Variants in GSN observed in about 807,000 individuals in gnomAD.
GSN encodes gelsolin.
A neutral mutation model predicts 85.7 loss-of-function variants in GSN; 56 were observed. The observed-to-expected ratio is 0.65, with a 90% CI of 0.53 to 0.82. The LOEUF (loss-of-function observed/expected upper bound fraction) is 0.82, where lower values mean the gene tolerates loss of function less well. GSN is among the 40% of genes least tolerant of loss of function. The pLI, the probability that GSN is intolerant of heterozygous loss-of-function variation, is 0.00. For synonymous variants in GSN, 373 were observed against 399.1 expected (o/e 0.93, Z 0.78); for missense variants, 857 against 979.8 (o/e 0.87, Z 1.67).
chr9:121,244,278 T>C (rs773107107), intron 5 of GSN, among the ~76,000 whole-genome samples: 22 of 152,238 alleles, frequency 1.4e-4, no homozygotes, highest in Non-Finnish European at 3.1e-4. Context: ...TTGGTGATTA[T>C]GAATAAAGCT....
chr9:121,225,446 A>G (rs1406897565), intron 4 of GSN, among the ~76,000 whole-genome samples: 4 of 152,200 alleles, frequency 2.6e-5, no homozygotes, highest in Non-Finnish European at 2.9e-5. Context: ...GTTCAAAGGC[A>G]TTTTTCATCA....
At chr9:121,310,607 C>T (rs1167927378) in intron 4 of GSN, 77 bp from the exon 5 acceptor site, 5 of 1,427,062 alleles carry the variant, frequency 3.5e-6, no homozygotes, top group Non-Finnish European at 4.9e-6. Flanking sequence ...TCCTTTACCT[C>T]AATTCTGTCC....
At chr9:121,234,096 G>A (rs1025163340) in intron 5 of GSN, among the ~76,000 whole-genome samples, 1 of 152,194 alleles carries the variant, frequency 6.6e-6, no homozygotes, top group African/African-American at 2.4e-5. Flanking sequence ...CAATAGGACA[G>A]AGGAAGGGAT....
intron 4 of GSN, among the ~76,000 whole-genome samples, chr9:121,307,216 G>A (rs975760583): frequency 2.6e-5 from 4 of 152,026 alleles, no homozygotes; most frequent in African/African-American, 4.8e-5. Flanking sequence ...TAAATACAGA[G>A]AATTTTTAAG....
At chr9:121,209,156 C>G (rs2053929182) in intron 1 of GSN, 1 of 152,164 alleles carries the variant, frequency 6.6e-6, no homozygotes, top group South Asian at 2.1e-4. Context: ...AATAGTGAAC[C>G]CCAGAAGTGG....
intron 5 of GSN, among the ~76,000 whole-genome samples, chr9:121,245,192 G>C (rs1271490482): frequency 6.6e-6 from 1 of 152,130 alleles, no homozygotes; most frequent in African/African-American, 2.4e-5. Context: ...AAAGAGCTGT[G>C]TATTACAGGA....
upstream of GSN, among the ~76,000 whole-genome samples, chr9:121,204,060 G>A (rs58462727): frequency 0.12 from 18,118 of 152,204 alleles, 1,223 homozygotes; most frequent in East Asian, 0.18. Flanking sequence ...GACCTGGCTA[G>A]TAAGTTTCCT....
intron 6 of GSN, among the ~76,000 whole-genome samples, chr9:121,254,035 C>T (rs2054894995): frequency 1.3e-5 from 2 of 152,144 alleles, no homozygotes; most frequent in Non-Finnish European, 2.9e-5. Context: ...TTCTCTCTAC[C>T]AGTTCCTCTG....
At chr9:121,306,652 C>T (rs750589834) in intron 4 of GSN, among the ~76,000 whole-genome samples, 1 of 152,230 alleles carries the variant, frequency 6.6e-6, no homozygotes, top group East Asian at 1.9e-4. Context: ...CAATCTTGCT[C>T]ACCTAATGAT....
chr9:121,230,105 A>G (rs922211159), intron 4 of GSN, among the ~76,000 whole-genome samples: 6 of 152,086 alleles, frequency 3.9e-5, no homozygotes, highest in Non-Finnish European at 7.4e-5. Context: ...AAATTGTCTC[A>G]TGTTTGTCCA....
At position 121,329,478 on chromosome 9, in the gene GSN, C is replaced by T. The variant is rs901021438; in HGVS notation, c.1965+163C>T. Among the ~76,000 whole-genome samples, 1 of 152,154 alleles carries T rather than the reference C, an allele frequency of 6.6e-6. No individual in the cohort carries two copies. The highest frequency in any genetic ancestry group is 2.1e-4 in the South Asian group (1 of 4,834). ...AAGTCACTTCTTCTTTCTGAGCTTC[C>T]ATTTCCTCATCTGTAAACTGGGAGT... On this transcript the variant is annotated intron_variant, in intron 16 of 17. Coordinates refer to ENST00000432226, the MANE Select transcript of GSN (RefSeq NM_198252.3). This position sits in a 1 kb window ranked among gnomAD's most constrained non-coding sequence, Gnocchi z 4.6.
Position 121,329,422 on chromosome 9 carries a change from G to A in GSN, c.1965+107G>A. 1 of 770,632 alleles carries A rather than the reference G, an allele frequency of 1.3e-6. No individual in the cohort carries two copies. The highest frequency in any genetic ancestry group is 2.3e-6 in the Non-Finnish European group (1 of 426,034). The allele number at this position is 770,632 out of a possible 1,614,324, so 47.7% of individuals were successfully genotyped here. A position where few individuals can be genotyped will look rare whatever the true frequency, so the allele number is the denominator to read the frequency against. On this transcript the variant is annotated intron_variant, in intron 16 of 17. Transcript: ENST00000432226. The surrounding 1 kb of genome is among the most constrained non-coding windows in gnomAD (Gnocchi z 4.6). ...AAGGACCTAAAGGGGGCAGTGCCAG[G>A]TGTTGCCAGAAAAGTCTCTAAGGGT...
Position 121,230,041 on chromosome 9 carries a change from T to C in GSN, c.-527-1124T>C, listed in dbSNP as rs554584304. Among the ~76,000 whole-genome samples the C allele has an allele frequency of 1.3e-3, 193 of 152,340 alleles. 1 individual carries two copies. Among genetic ancestry groups the C allele is most frequent in the African/African-American group, 4.4e-3 (183 of 41,580 alleles). ...TAGAAATCCTTTGAGTAGAGGGATA[T>C]TTTTTAATTCAGTGTGTAGAAATCC... is the stretch of plus-strand genomic sequence containing the variant. On this transcript the variant is annotated intron_variant, in intron 4 of 24. Transcript: ENST00000373823.
chr9:121,280,874 G>A (rs1211520480), intron 1 of GSN: 1 of 152,324 alleles, frequency 6.6e-6, no homozygotes, highest in East Asian at 1.9e-4. Context: ...ATGCAATAGG[G>A]CTGCCTTAAA....
intron 1 of GSN, among the ~76,000 whole-genome samples, chr9:121,270,934 G>A (rs1229874652): frequency 2.0e-5 from 3 of 152,198 alleles, no homozygotes; most frequent in Non-Finnish European, 2.9e-5. Flanking sequence ...GACCACAGGT[G>A]TGAGAGAAGT....
intron 2 of GSN, among the ~76,000 whole-genome samples, chr9:121,293,717 A>G (rs2058931853): frequency 1.3e-5 from 2 of 149,968 alleles, no homozygotes; most frequent in African/African-American, 4.9e-5. Context: ...AAAAAAAAAG[A>G]AAGGCATTTT....
intron 1 of GSN, chr9:121,281,011 T>C (rs973463786): frequency 1.3e-5 from 2 of 155,436 alleles, no homozygotes; most frequent in African/African-American, 4.8e-5. Context: ...GTGCTGTCAG[T>C]AGGGACAGGT....
chr9:121,312,143 C>G, intron 5 of GSN, 196 bp from the exon 6 acceptor site: 1 of 580,362 alleles, frequency 1.7e-6, no homozygotes, highest in Non-Finnish European at 3.1e-6. Flanking sequence ...CAGACATGCG[C>G]TCCCATCTCC....
At chr9:121,216,199 C>T (rs1341279351) in intron 4 of GSN, among the ~76,000 whole-genome samples, 1 of 152,122 alleles carries the variant, frequency 6.6e-6, no homozygotes, top group African/African-American at 2.4e-5. Context: ...CCACCTGCCT[C>T]AGCCTCCCAA....
Sources: gnomAD v4.1 joint callset for allele counts (sites outside exome capture counted in the v4.1 genomes callset) on GRCh38, gnomAD v4.1.1 for gene constraint, Gnocchi (gnomAD v3.1) non-coding constraint, MANE v1.5 for transcripts, NCBI Gene and HGNC (gene_info 2026-07-23, HGNC 2026-07-21) for gene names.